Variants in NUBPL observed in about 807,000 individuals in gnomAD.
NUBPL encodes the protein NUBP iron-sulfur cluster assembly factor, mitochondrial.
A neutral mutation model predicts 45.7 loss-of-function variants in NUBPL; 31 were observed. That is an observed-to-expected ratio of 0.68 (90% CI 0.51 to 0.92). The LOEUF (loss-of-function observed/expected upper bound fraction) is 0.92, where lower values mean the gene tolerates loss of function less well. Ranked by LOEUF, NUBPL falls within the 40% of genes least tolerant of loss-of-function variation. The pLI is 0.00. For synonymous variants in NUBPL, 144 were observed against 140.9 expected, an observed-to-expected ratio of 1.02 and a Z score of -0.15; for missense variants, 401 against 398.7, an observed-to-expected ratio of 1.01 and a Z score of -0.05.
chr14:31,644,283 G>A (rs1393658371), intron 4 of NUBPL, among the ~76,000 whole-genome samples: 3 of 151,896 alleles, frequency 2.0e-5, no homozygotes, highest in African/African-American at 7.2e-5. Flanking sequence ...AAATGTAGGT[G>A]TTTATTGCTA....
At chr14:31,799,213 C>G (rs942999654) in intron 7 of NUBPL, among the ~76,000 whole-genome samples, 1 of 151,996 alleles carries the variant, frequency 6.6e-6, no homozygotes, top group East Asian at 1.9e-4. Context: ...TAGCTAGATA[C>G]AAGATACAAC....
intron 9 of NUBPL, among the ~76,000 whole-genome samples, chr14:31,848,331 G>A (rs979806574): frequency 6.6e-6 from 1 of 152,232 alleles, no homozygotes; most frequent in African/African-American, 2.4e-5. Flanking sequence ...AATTGGGAAT[G>A]AGGAACTGAA....
At position 31,562,116 on chromosome 14, in the gene NUBPL, A is replaced by T; in HGVS notation, c.157A>T (p.Met53Leu). The change falls in exon 2 of 11, where the codon ATG becomes TTG. Residue 53 changes from methionine (M) to leucine (L), a missense_variant. Met to Leu is a conservative substitution (Grantham distance 15). Coordinates refer to ENST00000281081, the MANE Select transcript of NUBPL (RefSeq NM_025152.3). ...ETLKQRRTQI[M>L]SRGLPKQKPI... ...CCTAAAACAAAGAAGAACACAAATC[A>T]TGTCCCGAGGACTTCCAAAGCAGAA... 17 of 1,613,126 alleles carry T rather than the reference A, an allele frequency of 1.1e-5. No individual in the cohort carries two copies. The highest frequency in any genetic ancestry group is 1.4e-5 in the Non-Finnish European group (17 of 1,179,358).
Position 31,842,173 on chromosome 14 carries a change from G to A in NUBPL, c.694-4298G>A, listed in dbSNP as rs189757161. 5.9e-4 allele frequency among the ~76,000 whole-genome samples: 90 copies of A among 151,764 alleles called. 1 individual carries two copies. The highest frequency in any genetic ancestry group is 1.8e-3 in the East Asian group (9 of 5,142). Reference sequence around the variant, plus strand: ...CTTGATCTGACCTCATGATCCGCCCGTCTTGGCCTCCCAAAGAGCTGGGAT... The same window carrying A: ...CTTGATCTGACCTCATGATCCGCCCATCTTGGCCTCCCAAAGAGCTGGGAT... On this transcript the variant is annotated intron_variant, in intron 8 of 10. Coordinates refer to ENST00000281081, the MANE Select transcript of NUBPL (RefSeq NM_025152.3).
intron 6 of NUBPL, among the ~76,000 whole-genome samples, chr14:31,758,135 A>G (rs993102452): frequency 5.9e-5 from 9 of 152,104 alleles, no homozygotes; most frequent in Non-Finnish European, 1.2e-4. Flanking sequence ...GATAGTTTCC[A>G]TCCATTAGAG....
chr14:31,586,947 C>A (rs903678366), intron 3 of NUBPL, among the ~76,000 whole-genome samples: 2 of 152,176 alleles, frequency 1.3e-5, no homozygotes, highest in Non-Finnish European at 2.9e-5. Flanking sequence ...ATTAATGTCA[C>A]TTACTTGAAT....
intron 4 of NUBPL, among the ~76,000 whole-genome samples, chr14:31,651,656 T>G (rs1375559583): frequency 1.3e-5 from 2 of 152,054 alleles, no homozygotes; most frequent in African/African-American, 4.8e-5. Flanking sequence ...CCCAGCACTT[T>G]TGGAGGCTGA....
At chr14:31,574,721 C>G (rs562320537) in intron 3 of NUBPL, among the ~76,000 whole-genome samples, 3 of 149,900 alleles carry the variant, frequency 2.0e-5, no homozygotes, top group East Asian at 2.0e-4. Context: ...TTCCGAGTAG[C>G]TGGGATTACA....
chr14:31,579,492 A>G (rs2033807321), intron 3 of NUBPL, among the ~76,000 whole-genome samples: 1 of 152,238 alleles, frequency 6.6e-6, no homozygotes, highest in African/African-American at 2.4e-5. Context: ...TATGCAACAG[A>G]ATAACAAATG....
chr14:31,693,641 T>C lies in NUBPL; in HGVS notation c.513+20067T>C, dbSNP rs1454155913. 2.6e-5 allele frequency among the ~76,000 whole-genome samples: 4 copies of C among 152,122 alleles called. No homozygotes were observed. The East Asian group carries it at 5.8e-4, about 22-fold the overall frequency. On this transcript the variant is annotated intron_variant, in intron 6 of 10. Transcript: ENST00000281081. The stretch of plus-strand genomic sequence containing the variant: ...ATATTGTTATTGTCAGTTTGGGGCA[T>C]GTGACCTTATTAATTTCTTTTTATG...
intron 7 of NUBPL, among the ~76,000 whole-genome samples, chr14:31,792,904 C>T (rs1376102218): frequency 6.6e-6 from 1 of 152,078 alleles, no homozygotes; most frequent in Non-Finnish European, 1.5e-5. Context: ...GGGAATGGCA[C>T]CAACCAAAGA....
rs544920390 is a variant in NUBPL at position 31,853,842 on chromosome 14, A to G, written c.897+3641A>G. On this transcript the variant is annotated intron_variant, in intron 10 of 10. Transcript: ENST00000281081. ...GGTGAGAAGGCGATATTTAGAATTC[A>G]GAACCCCTAAATTCAATAGCATCCC... 9.8e-5 allele frequency among the ~76,000 whole-genome samples: 15 copies of G among 152,312 alleles called. No homozygotes were observed. In the South Asian group the frequency reaches 2.9e-3, roughly 29 times the overall value.
At chr14:31,844,646 A>AG (rs1408014482) in intron 8 of NUBPL, 8 of 128,118 alleles carry the variant, frequency 6.2e-5, no homozygotes, top group Admixed American at 4.6e-4. Context: ...AAAGAATAAC[A>AG]ATTTTTTCGC....
At chr14:31,826,454 A>G (rs2040105361) in intron 7 of NUBPL, among the ~76,000 whole-genome samples, 175 bp from the exon 8 acceptor site, 1 of 152,180 alleles carries the variant, frequency 6.6e-6, no homozygotes, top group East Asian at 1.9e-4. Flanking sequence ...ATTCAAAGGT[A>G]GGCCAAAACA....
intron 4 of NUBPL, among the ~76,000 whole-genome samples, chr14:31,632,190 A>G (rs1022265063): frequency 6.6e-6 from 1 of 151,526 alleles, no homozygotes; most frequent in African/African-American, 2.4e-5. Flanking sequence ...GGGAAACAAC[A>G]ACAGATAGGA....
At chr14:31,758,870 G>A (rs1277943956) in intron 6 of NUBPL, among the ~76,000 whole-genome samples, 7 of 152,106 alleles carry the variant, frequency 4.6e-5, no homozygotes. Flanking sequence ...GAAGATTCAT[G>A]TAGGATGCAA....
intron 6 of NUBPL, among the ~76,000 whole-genome samples, chr14:31,757,151 T>C (rs1287893912): frequency 7.1e-6 from 1 of 140,528 alleles, no homozygotes; most frequent in Non-Finnish European, 1.6e-5. Context: ...AGGATATTGG[T>C]CTAAAATTCT....
chr14:31,597,732 A>G (rs1037157496), intron 3 of NUBPL, among the ~76,000 whole-genome samples: 1 of 152,152 alleles, frequency 6.6e-6, no homozygotes, highest in African/African-American at 2.4e-5. Flanking sequence ...ATTGGTATTT[A>G]TTATTATTTG....
rs534043182 is a variant in NUBPL at position 31,687,961 on chromosome 14, G to A, written c.513+14387G>A. On this transcript the variant is annotated intron_variant, in intron 6 of 10. Transcript: ENST00000281081. The stretch of plus-strand genomic sequence containing the variant: ...GAAAATTTGTGAAGTTGTTGCTGCA[G>A]CTACATTATCAGGCATGAAAACCTT... 4.6e-5 allele frequency among the ~76,000 whole-genome samples: 7 copies of A among 152,302 alleles called. No individual in the cohort carries two copies. The South Asian group carries it at 1.2e-3, about 27-fold the overall frequency.
Sources: gnomAD v4.1 joint callset for allele counts (sites outside exome capture counted in the v4.1 genomes callset) on GRCh38, gnomAD v4.1.1 for gene constraint, MANE v1.5 for transcripts, NCBI Gene and HGNC (gene_info 2026-07-23, HGNC 2026-07-21) for gene names.